Variants in ERG observed in about 807,000 individuals in gnomAD.
ERG encodes the protein transcriptional regulator ERG.
Under a neutral mutation model 55.3 loss-of-function variants are expected in ERG, and 9 were observed. The observed-to-expected ratio is 0.16, with a 90% CI of 0.10 to 0.28. The LOEUF (loss-of-function observed/expected upper bound fraction) is 0.28. Among genes scored for constraint, ERG ranks in the 10% least tolerant of loss-of-function variants. The pLI is 1.00. For synonymous variants in ERG, 223 were observed against 237.3 expected (o/e 0.94, Z 0.55); for missense variants, 434 against 631.6 (o/e 0.69, Z 3.35).
At chr21:38,608,275 A>G (rs1458959180) in intron 1 of ERG, among the ~76,000 whole-genome samples, 1 of 152,192 alleles carries the variant, frequency 6.6e-6, no homozygotes, top group Non-Finnish European at 1.5e-5. Context: ...CATACCAAAA[A>G]AGAAGTTCAG....
upstream of ERG, among the ~76,000 whole-genome samples, chr21:38,589,888 T>C (rs1189904332): frequency 2.0e-5 from 3 of 152,180 alleles, no homozygotes; most frequent in Non-Finnish European, 4.4e-5. Context: ...TTTGTTGTTA[T>C]TGTTATTACT....
chr21:38,573,281 T>C lies in ERG; in HGVS notation c.-41+2381A>G, dbSNP rs1378287064. On this transcript the variant is annotated intron_variant, in intron 2 of 8. Transcript: ENST00000398897. ...CCTCGTGGGATGAGAAAGACCTGACTGTCCCCCAGCCCGACACCCGTAAAG... is the reference window on the plus strand; with the variant it reads ...CCTCGTGGGATGAGAAAGACCTGACCGTCCCCCAGCCCGACACCCGTAAAG... 7.9e-5 allele frequency among the ~76,000 whole-genome samples: 12 copies of C among 152,318 alleles called. No homozygotes were observed. The South Asian group carries it at 8.3e-4, about 11-fold the overall frequency.
intron 1 of ERG, among the ~76,000 whole-genome samples, chr21:38,446,023 G>A (rs549576869): frequency 3.4e-4 from 52 of 151,986 alleles, no homozygotes; most frequent in African/African-American, 1.2e-3. Flanking sequence ...AAAGAAATCT[G>A]AAGGCCAACA....
At chr21:38,641,977 T>G (rs1019378844) in intron 1 of ERG, among the ~76,000 whole-genome samples, 2 of 152,238 alleles carry the variant, frequency 1.3e-5, no homozygotes, top group Admixed American at 1.3e-4. Flanking sequence ...CACTCAAGAT[T>G]GGGAATTCCT....
intron 2 of ERG, among the ~76,000 whole-genome samples, chr21:38,513,648 C>T (rs1012680827): frequency 3.3e-5 from 5 of 151,930 alleles, no homozygotes; most frequent in African/African-American, 1.2e-4. Context: ...CTTGGTTCTG[C>T]AAATAAAACA....
chr21:38,459,755 A>G (rs771692229), intron 1 of ERG, among the ~76,000 whole-genome samples: 22 of 152,194 alleles, frequency 1.4e-4, no homozygotes, highest in South Asian at 6.2e-4. Context: ...TTCAACAAAT[A>G]TGTACTGAAC....
At chr21:38,446,763 C>T (rs935261630) in intron 1 of ERG, among the ~76,000 whole-genome samples, 1 of 152,014 alleles carries the variant, frequency 6.6e-6, no homozygotes, top group Non-Finnish European at 1.5e-5. Flanking sequence ...CCCTTCCAGT[C>T]CAAACTTGTC....
chr21:38,383,579 G>C lies in ERG; in HGVS notation c.1264C>G (p.His422Asp). Residue 422 changes from histidine to aspartate, a missense_variant, in exon 10 of 10, where the codon CAC becomes GAC. Around this residue, in one of 5 missense-constraint regions of ERG, gnomAD observed 107 missense variants for 126.8 expected, o/e 0.84. Transcript: ENST00000288319. This position sits in a 1 kb window ranked among gnomAD's most constrained non-coding sequence, Gnocchi z 5.7. ...PSDLPYMGSYHAHPQKMNFVA... is the reference protein window; with the variant it reads ...PSDLPYMGSYDAHPQKMNFVA... ...AAGTTCATCTTCTGTGGGTGGGCGT[G>C]ATAGGAGCCCATGTACGGGAGGTCT... is the stretch of plus-strand genomic sequence containing the variant. 1 of 1,607,256 alleles carries C rather than the reference G, an allele frequency of 6.2e-7. No homozygotes were observed. The highest frequency in any genetic ancestry group is 8.5e-7 in the Non-Finnish European group (1 of 1,174,770).
intron 1 of ERG, among the ~76,000 whole-genome samples, chr21:38,637,290 G>A (rs943663443): frequency 2.0e-5 from 3 of 152,112 alleles, no homozygotes; most frequent in Non-Finnish European, 4.4e-5. Context: ...ACCCACCTGC[G>A]AATTGGCAAA....
intron 1 of ERG, among the ~76,000 whole-genome samples, chr21:38,598,625 T>A (rs781264818): frequency 7.9e-5 from 12 of 152,170 alleles, no homozygotes; most frequent in Non-Finnish European, 1.6e-4. Context: ...CGCACATCCA[T>A]GCACAACTCT....
intron 2 of ERG, among the ~76,000 whole-genome samples, chr21:38,427,943 T>G (rs1601384501): frequency 6.6e-6 from 1 of 152,298 alleles, no homozygotes; most frequent in East Asian, 1.9e-4. Flanking sequence ...TCCCAGCATT[T>G]TGGGAGGCCA....
chr21:38,383,458 G>A lies in ERG; in HGVS notation c.1385C>T (p.Pro462Leu). ...ATGGCTGGTGGGGAGCCTAGTGTTG[G>A]GGTATATACCCCCAGTTGGTGAATT... is the stretch of plus-strand genomic sequence containing the variant. ...YWNSPTGGIYPNTRLPTSHMP... is the reference protein window; with the variant it reads ...YWNSPTGGIYLNTRLPTSHMP... The change falls in exon 10 of 10, where the codon CCC (proline) becomes CTC (leucine). Residue 462 changes from proline to leucine, a missense_variant. Around this residue, in one of 5 missense-constraint regions of ERG, gnomAD observed 107 missense variants for 126.8 expected, o/e 0.84. Coordinates refer to ENST00000288319, the MANE Select transcript of ERG (RefSeq NM_182918.4). This position sits in a 1 kb window ranked among gnomAD's most constrained non-coding sequence, Gnocchi z 5.7. The A allele has an allele frequency of 6.6e-7, 1 of 1,523,432 alleles. No homozygotes were observed. The highest frequency in any genetic ancestry group is 1.3e-5 in the South Asian group (1 of 76,836). 94.4% of individuals were successfully genotyped at this position (1,523,432 alleles called of 1,614,324 possible).
rs186491496 is a variant in ERG, at chr21:38,522,233, T to C, written c.-41+53429A>G. On this transcript the variant is annotated intron_variant, in intron 2 of 8. Coordinates refer to the ERG transcript ENST00000398897. ...TAAGTTTTGACAAGATCTGGCTACT[T>C]AAATTACAAGATATAAAATGAGATT... is the stretch of plus-strand genomic sequence containing the variant. 1.0e-3 allele frequency among the ~76,000 whole-genome samples: 152 copies of C among 152,254 alleles called. 1 individual carries two copies. The highest frequency in any genetic ancestry group is 3.6e-3 in the African/African-American group (149 of 41,582).
Position 38,498,337 on chromosome 21 carries a change from C to G in ERG, c.18+26G>C, listed in dbSNP as rs779953066. 68 of 1,597,444 alleles carry G rather than the reference C, an allele frequency of 4.3e-5. 1 individual carries two copies. The South Asian group carries it at 7.6e-4, about 18-fold the overall frequency. ...AAGAGTAACAAGAACAAGATTTTGT[C>G]AAATTAAAAGGAACCCTTTCCTTAC... On this transcript the variant is annotated intron_variant, in intron 1 of 9. Transcript: ENST00000288319. The surrounding 1 kb of genome is among the most constrained non-coding windows in gnomAD (Gnocchi z 4.6).
chr21:38,424,181 GCTCGAGCTCTCTCTCTCT>G (rs1243278733), intron 2 of ERG, among the ~76,000 whole-genome samples: 9 of 88,004 alleles, frequency 1.0e-4, no homozygotes, highest in African/African-American at 3.5e-4. Flanking sequence ...AGAGACCAGA[GCTCGAGCTCTCTCTCTCT>G]CTCTCTCTCT....
intron 1 of ERG, among the ~76,000 whole-genome samples, chr21:38,445,980 G>C (rs2058888065): frequency 6.6e-6 from 1 of 151,750 alleles, no homozygotes; most frequent in Non-Finnish European, 1.5e-5. Flanking sequence ...AATTCAAGCA[G>C]ACAGGGTACA....
At chr21:38,560,950 T>C (rs1601242277) in intron 2 of ERG, among the ~76,000 whole-genome samples, 2 of 152,352 alleles carry the variant, frequency 1.3e-5, no homozygotes, top group East Asian at 1.9e-4. Context: ...AGTCCTTCAG[T>C]TGATTTATGT....
At chr21:38,567,211 T>C (rs912967781) in intron 2 of ERG, among the ~76,000 whole-genome samples, 2 of 152,142 alleles carry the variant, frequency 1.3e-5, no homozygotes, top group African/African-American at 2.4e-5. Context: ...GTGCCCAGCA[T>C]GGCGACCCTG....
intron 1 of ERG, among the ~76,000 whole-genome samples, chr21:38,577,389 C>T (rs1425623828): frequency 6.6e-6 from 1 of 152,154 alleles, no homozygotes; most frequent in African/African-American, 2.4e-5. Flanking sequence ...TGCTGGGAAC[C>T]TTAGGCATTT....
Sources: allele counts gnomAD v4.1 joint callset (sites outside exome capture counted in the v4.1 genomes callset), GRCh38; gene constraint gnomAD v4.1.1; regional missense constraint gnomAD v4.1.1; non-coding constraint Gnocchi (gnomAD v3.1); transcripts MANE v1.5; gene names NCBI Gene and HGNC (gene_info 2026-07-23, HGNC 2026-07-21).